ANTXR1: variants seen among roughly 807,000 people sequenced by gnomAD.
The protein encoded by ANTXR1 is anthrax toxin receptor 1.
Under a neutral mutation model 78.1 loss-of-function variants are expected in ANTXR1, and 19 were observed. The observed-to-expected ratio is 0.24, with a 90% confidence interval of 0.17 to 0.36. ANTXR1 has a LOEUF of 0.36. ANTXR1 is among the 10% of genes least tolerant of loss of function. The pLI, the probability that ANTXR1 is intolerant of heterozygous loss-of-function variation, is 1.00. For synonymous variants in ANTXR1, 273 were observed against 260.5 expected (o/e 1.05, Z -0.46); for missense variants, 518 against 718.6 (o/e 0.72, Z 3.19).
chr2:69,018,879 T>C (rs1242544328), intron 1 of ANTXR1, among the ~76,000 whole-genome samples: 3 of 152,208 alleles, frequency 2.0e-5, no homozygotes, highest in Non-Finnish European at 4.4e-5. Context: ...TCATGGTGCA[T>C]AAGGCGATTA....
chr2:69,072,845 C>T (rs907359952), intron 5 of ANTXR1, among the ~76,000 whole-genome samples, 177 bp from the exon 6 acceptor site: 2 of 152,192 alleles, frequency 1.3e-5, no homozygotes, highest in African/African-American at 4.8e-5. Flanking sequence ...AAAGTCTGTC[C>T]CCATGGGGGA....
chr2:69,163,538 T>C (rs1403753729), intron 13 of ANTXR1, among the ~76,000 whole-genome samples: 3 of 152,170 alleles, frequency 2.0e-5, no homozygotes, highest in Admixed American at 6.5e-5. Flanking sequence ...GCTCTCACAG[T>C]ATCTCATCTT....
intron 3 of ANTXR1, among the ~76,000 whole-genome samples, chr2:69,045,512 T>A (rs549883547): frequency 2.0e-5 from 3 of 152,074 alleles, no homozygotes; most frequent in African/African-American, 7.2e-5. Context: ...ATGGCCCACA[T>A]GAGAGAAGCA....
chr2:69,161,806 C>T (rs970011313), intron 13 of ANTXR1, among the ~76,000 whole-genome samples: 1 of 152,128 alleles, frequency 6.6e-6, no homozygotes, highest in South Asian at 2.1e-4. Flanking sequence ...TCTGGATTGG[C>T]ATTTCTTCTA....
chr2:69,072,829 C>T (rs1240349940), intron 5 of ANTXR1, among the ~76,000 whole-genome samples, 193 bp from the exon 6 acceptor site: 1 of 152,230 alleles, frequency 6.6e-6, no homozygotes, highest in East Asian at 1.9e-4. Flanking sequence ...AAAACCTATT[C>T]CCCCTAAAGT....
chr2:69,091,119 A>T (rs1573865073), intron 9 of ANTXR1, among the ~76,000 whole-genome samples, 200 bp downstream of exon 9: 1 of 66,372 alleles, frequency 1.5e-5, no homozygotes, highest in African/African-American at 4.7e-5. Flanking sequence ...TTTGGAAGTT[A>T]AAAAAAAAAA....
chr2:69,167,490 T>A (rs1481744746), intron 13 of ANTXR1, among the ~76,000 whole-genome samples: 1 of 152,208 alleles, frequency 6.6e-6, no homozygotes, highest in East Asian at 1.9e-4. Flanking sequence ...GTGCTGGTCT[T>A]GGCACAAGGA....
intron 1 of ANTXR1, among the ~76,000 whole-genome samples, chr2:69,016,628 T>C (rs1671033459): frequency 6.6e-6 from 1 of 152,224 alleles, no homozygotes; most frequent in Non-Finnish European, 1.5e-5. Flanking sequence ...TTACCAAACG[T>C]CATCTGCGTT....
intron 10 of ANTXR1, among the ~76,000 whole-genome samples, chr2:69,120,840 C>T (rs758287327): frequency 1.3e-5 from 2 of 152,152 alleles, no homozygotes; most frequent in East Asian, 1.9e-4. Flanking sequence ...TTCCCTGTTG[C>T]GCTTAGAAAA....
intron 1 of ANTXR1, among the ~76,000 whole-genome samples, chr2:69,026,332 C>G (rs1376183924): frequency 6.6e-6 from 1 of 152,176 alleles, no homozygotes; most frequent in Non-Finnish European, 1.5e-5. Flanking sequence ...TACTTAACCT[C>G]TCTATGAATT....
intron 1 of ANTXR1, among the ~76,000 whole-genome samples, chr2:69,027,199 A>G (rs1165505333): frequency 6.6e-6 from 1 of 152,166 alleles, no homozygotes; most frequent in Non-Finnish European, 1.5e-5. Flanking sequence ...GTCAAAGGGG[A>G]AACCAAGCCA....
intron 1 of ANTXR1, among the ~76,000 whole-genome samples, chr2:69,029,650 C>T (rs1671469161): frequency 6.6e-6 from 1 of 151,784 alleles, no homozygotes; most frequent in African/African-American, 2.4e-5. Flanking sequence ...TCCAAAAAAG[C>T]TCAATAATTA....
At chr2:69,217,333 G>A (rs1675203198) in intron 17 of ANTXR1, among the ~76,000 whole-genome samples, 1 of 152,242 alleles carries the variant, frequency 6.6e-6, no homozygotes, top group Admixed American at 6.5e-5. Flanking sequence ...CCTTACTGGA[G>A]AGGATGGGCC....
At chr2:69,083,571 G>A (rs988480350) in intron 8 of ANTXR1, among the ~76,000 whole-genome samples, 1 of 152,182 alleles carries the variant, frequency 6.6e-6, no homozygotes, top group Non-Finnish European at 1.5e-5. Context: ...CACATGCTAA[G>A]TTGTGCAATC....
chr2:69,243,053 A>C (rs1417647699), intron 17 of ANTXR1, among the ~76,000 whole-genome samples: 1 of 152,212 alleles, frequency 6.6e-6, no homozygotes, highest in African/African-American at 2.4e-5. Flanking sequence ...CATGAAATGC[A>C]AGCTCAGAGA....
intron 6 of ANTXR1, among the ~76,000 whole-genome samples, chr2:69,074,328 T>C (rs897442180): frequency 1.3e-5 from 2 of 152,152 alleles, no homozygotes; most frequent in African/African-American, 2.4e-5. Context: ...GATGGCTTGA[T>C]TGGGTGCCAA....
At chr2:69,176,621 T>G (rs1674125185) in intron 14 of ANTXR1, among the ~76,000 whole-genome samples, 1 of 152,246 alleles carries the variant, frequency 6.6e-6, no homozygotes, top group African/African-American at 2.4e-5. Flanking sequence ...GTTCTCTTTA[T>G]TTTCTCAAAA....
intron 9 of ANTXR1, among the ~76,000 whole-genome samples, chr2:69,093,787 T>G (rs1341671933): frequency 6.6e-6 from 1 of 152,208 alleles, no homozygotes; most frequent in Non-Finnish European, 1.5e-5. Flanking sequence ...ATCTCTGGCT[T>G]ATGTGCAATA....
intron 12 of ANTXR1, among the ~76,000 whole-genome samples, chr2:69,132,736 A>T (rs1206660162): frequency 6.6e-6 from 1 of 152,214 alleles, no homozygotes; most frequent in Non-Finnish European, 1.5e-5. Flanking sequence ...GGGCCTCTTT[A>T]CTAAGGAAAG....
Sources: allele counts gnomAD v4.1 joint callset (sites outside exome capture counted in the v4.1 genomes callset), GRCh38; gene constraint gnomAD v4.1.1; transcripts MANE v1.5; gene names NCBI Gene and HGNC (gene_info 2026-07-23, HGNC 2026-07-21).